Variants in WDR49 observed in about 807,000 individuals in gnomAD.
WDR49 encodes the protein WD repeat domain 49.
In WDR49, 107 loss-of-function variants were observed where a neutral mutation model predicts 119.5. The observed-to-expected ratio is 0.90, with a 90% CI of 0.77 to 1.05. WDR49 has a LOEUF of 1.05. WDR49 is among the 50% of genes least tolerant of loss of function. The pLI is 0.00. For synonymous variants in WDR49, 425 were observed against 418.8 expected (o/e 1.01, Z -0.18); for missense variants, 1,240 against 1,220.5 (o/e 1.02, Z -0.24).
chr3:167,522,148 T>C (rs1380012671), intron 16 of WDR49, among the ~76,000 whole-genome samples, 167 bp downstream of exon 16: 1 of 152,092 alleles, frequency 6.6e-6, no homozygotes, highest in Non-Finnish European at 1.5e-5. Flanking sequence ...ATGGCCCCGA[T>C]AATATAAGTC....
rs193119031 is a variant in WDR49 at position 167,586,607 on chromosome 3, C to T, written c.1276-10456G>A. 1.1e-4 allele frequency among the ~76,000 whole-genome samples: 16 copies of T among 152,174 alleles called. No homozygotes were observed. In the East Asian group the frequency reaches 3.1e-3, roughly 29 times the overall value. On this transcript the variant is annotated intron_variant, in intron 7 of 18. Transcript: ENST00000682715. The stretch of plus-strand genomic sequence containing the variant: ...GTGTTTTCATTTTTTCTAACTTAAC[C>T]CCAGTCCTATAAAATATCCAAAAGA...
At chr3:167,607,828 C>A (rs188426299) in intron 5 of WDR49, among the ~76,000 whole-genome samples, 3 of 152,232 alleles carry the variant, frequency 2.0e-5, no homozygotes, top group Admixed American at 2.0e-4. Context: ...CTGATCCCCA[C>A]GGGAACAGTA....
At chr3:167,480,752 G>C (rs935184554) in intron 18 of WDR49, among the ~76,000 whole-genome samples, 4 of 152,182 alleles carry the variant, frequency 2.6e-5, no homozygotes, top group Non-Finnish European at 5.9e-5. Flanking sequence ...AGTATAGAGA[G>C]TATACGAAGG....
At chr3:167,521,886 T>A (rs933099042) in intron 16 of WDR49, among the ~76,000 whole-genome samples, 3 of 152,074 alleles carry the variant, frequency 2.0e-5, no homozygotes, top group Non-Finnish European at 2.9e-5. Context: ...AACTTCAAAG[T>A]TAAGCTCTTT....
chr3:167,510,162 A>G (rs975050355), intron 16 of WDR49, among the ~76,000 whole-genome samples: 31 of 152,212 alleles, frequency 2.0e-4, no homozygotes, highest in African/African-American at 6.8e-4. Flanking sequence ...AGGCGGGCAG[A>G]TCACGAGGTC....
intron 7 of WDR49, among the ~76,000 whole-genome samples, chr3:167,581,392 T>TGTTATGTACTAACAA: frequency 6.6e-6 from 1 of 152,152 alleles, no homozygotes; most frequent in Admixed American, 6.5e-5. Flanking sequence ...TTTCTCATCT[T>TGTTATGTACTAACAA]TCTGCTGAAG....
At chr3:167,497,790 T>C (rs929902137) in intron 18 of WDR49, among the ~76,000 whole-genome samples, 1 of 152,172 alleles carries the variant, frequency 6.6e-6, no homozygotes, top group Non-Finnish European at 1.5e-5. Flanking sequence ...CTTTGTCCTA[T>C]GTCTGGATCT....
At chr3:167,640,946 A>G (rs2108339882) in intron 2 of WDR49, among the ~76,000 whole-genome samples, 1 of 151,924 alleles carries the variant, frequency 6.6e-6, no homozygotes, top group South Asian at 2.1e-4. Flanking sequence ...TCTCACTCCA[A>G]CCCATACACC....
chr3:167,526,357 C>A (rs949360802), intron 15 of WDR49, among the ~76,000 whole-genome samples: 4 of 152,122 alleles, frequency 2.6e-5, no homozygotes, highest in Non-Finnish European at 4.4e-5. Flanking sequence ...CTTGGTTCGA[C>A]CCCGGATGTC....
At chr3:167,617,318 G>A (rs2108318591) in intron 5 of WDR49, among the ~76,000 whole-genome samples, 1 of 152,300 alleles carries the variant, frequency 6.6e-6, no homozygotes, top group East Asian at 1.9e-4. Flanking sequence ...CTTGAGGTCA[G>A]GAGTTTGAGA....
chr3:167,647,809 A>G (rs1415545535), intron 2 of WDR49, among the ~76,000 whole-genome samples: 1 of 152,194 alleles, frequency 6.6e-6, no homozygotes, highest in Non-Finnish European at 1.5e-5. Context: ...GCCTTTAGAA[A>G]GAAAAAAATA....
chr3:167,625,877 C>A (rs1336211998), intron 3 of WDR49, among the ~76,000 whole-genome samples: 1 of 151,014 alleles, frequency 6.6e-6, no homozygotes. Flanking sequence ...AAAGGACAAA[C>A]CTTGGTTTCT....
intron 8 of WDR49, among the ~76,000 whole-genome samples, chr3:167,561,029 T>C (rs1474042228): frequency 1.3e-5 from 2 of 152,172 alleles, no homozygotes; most frequent in Admixed American, 6.5e-5. Context: ...CATAAATGCA[T>C]AGCTAGGAAG....
intron 14 of WDR49, 95 bp from the exon 15 acceptor site, chr3:167,528,112 G>T: frequency 9.6e-7 from 1 of 1,039,610 alleles, no homozygotes; most frequent in South Asian, 1.7e-5. Context: ...TTTCAAACTT[G>T]GGAACAATAA....
chr3:167,642,741 G>A (rs1220033154), intron 2 of WDR49, among the ~76,000 whole-genome samples: 1 of 151,946 alleles, frequency 6.6e-6, no homozygotes, highest in African/African-American at 2.4e-5. Flanking sequence ...GCTGGTTCCA[G>A]GTCTTGGGCA....
intron 10 of WDR49, among the ~76,000 whole-genome samples, chr3:167,544,025 G>A (rs1235785419): frequency 4.6e-5 from 7 of 150,844 alleles, no homozygotes; most frequent in Non-Finnish European, 7.4e-5. Flanking sequence ...CAACCAAGCT[G>A]AGAACCAAAT....
chr3:167,486,875 T>C (rs1225207264), intron 18 of WDR49, among the ~76,000 whole-genome samples: 2 of 152,042 alleles, frequency 1.3e-5, no homozygotes, highest in African/African-American at 4.8e-5. Flanking sequence ...ACTTGATCAA[T>C]TGGACCTAAT....
intron 10 of WDR49, among the ~76,000 whole-genome samples, chr3:167,549,706 C>T (rs1462431938): frequency 2.0e-5 from 3 of 151,978 alleles, no homozygotes; most frequent in Admixed American, 2.0e-4. Context: ...AATTAGATCC[C>T]ATTTGTCAAT....
intron 7 of WDR49, among the ~76,000 whole-genome samples, chr3:167,589,614 TTAA>T (rs1226085291): frequency 3.9e-5 from 6 of 151,992 alleles, no homozygotes. Flanking sequence ...ATGTCTTGCA[TTAA>T]TGTTTTATAC....
Sources: allele counts gnomAD v4.1 joint callset (sites outside exome capture counted in the v4.1 genomes callset), GRCh38; gene constraint gnomAD v4.1.1; transcripts MANE v1.5; gene names NCBI Gene and HGNC (gene_info 2026-07-23, HGNC 2026-07-21).